The following CNTN4 variants were observed in gnomAD, a reference collection of about 807,000 sequenced individuals.
The protein encoded by CNTN4 is contactin-4.
In CNTN4, 77 loss-of-function variants were observed where a neutral mutation model predicts 122.5. That is an observed-to-expected ratio of 0.63 (90% CI 0.52 to 0.76). CNTN4 has a LOEUF of 0.76. Among genes scored for constraint, CNTN4 ranks in the 30% least tolerant of loss-of-function variants. The pLI, the probability that CNTN4 is intolerant of heterozygous loss-of-function variation, is 0.00. For synonymous variants in CNTN4, 512 were observed against 447.0 expected, an observed-to-expected ratio of 1.15 and a Z score of -1.83; for missense variants, 1,256 against 1,259.1, an observed-to-expected ratio of 1.00 and a Z score of 0.04.
At chr3:2,172,131 ATTTAT>A (rs2036544643) in intron 2 of CNTN4, among the ~76,000 whole-genome samples, 2 of 152,232 alleles carry the variant, frequency 1.3e-5, no homozygotes, top group African/African-American at 4.8e-5. Context: ...GTATATCAGA[ATTTAT>A]TAAGAATGAT....
intron 16 of CNTN4, among the ~76,000 whole-genome samples, chr3:3,033,773 G>A (rs1033899607): frequency 2.0e-5 from 3 of 152,122 alleles, no homozygotes; most frequent in Non-Finnish European, 4.4e-5. Context: ...TGGCTCTGTT[G>A]ATATTTTGTC....
chr3:2,426,463 C>T (rs545995843), intron 3 of CNTN4, among the ~76,000 whole-genome samples: 5 of 152,252 alleles, frequency 3.3e-5, no homozygotes, highest in South Asian at 2.1e-4. Context: ...CTGCTGGATT[C>T]GGTTTGCCAG....
intron 3 of CNTN4, among the ~76,000 whole-genome samples, chr3:2,408,184 T>G (rs1041692358): frequency 1.3e-5 from 2 of 152,164 alleles, no homozygotes; most frequent in East Asian, 3.9e-4. Flanking sequence ...ACTAGGCCAT[T>G]TCTGTATTGA....
At chr3:2,900,865 G>A (rs763995958) in intron 11 of CNTN4, 44 bp downstream of exon 11, 26 of 1,608,888 alleles carry the variant, frequency 1.6e-5, no homozygotes, top group Admixed American at 3.3e-5. Context: ...TGACTATAAC[G>A]TTTAATATAG....
At chr3:2,776,969 T>G (rs1261157964) in intron 6 of CNTN4, among the ~76,000 whole-genome samples, 1 of 132,580 alleles carries the variant, frequency 7.5e-6, no homozygotes, top group Non-Finnish European at 1.8e-5. Context: ...CCATGCATCT[T>G]TTTGTTTTGT....
chr3:2,293,936 G>T (rs767753664), intron 2 of CNTN4, among the ~76,000 whole-genome samples: 12 of 152,172 alleles, frequency 7.9e-5, no homozygotes, highest in South Asian at 4.1e-4. Context: ...GAGGTCAGCA[G>T]TTTTGACTGG....
chr3:2,421,161 G>C (rs545610908), intron 3 of CNTN4, among the ~76,000 whole-genome samples: 2 of 151,994 alleles, frequency 1.3e-5, no homozygotes, highest in East Asian at 3.9e-4. Flanking sequence ...TCACCTTAAT[G>C]ACCACCATTG....
chr3:2,493,288 C>T (rs1040766868), intron 3 of CNTN4, among the ~76,000 whole-genome samples: 3 of 151,958 alleles, frequency 2.0e-5, no homozygotes, highest in African/African-American at 7.3e-5. Context: ...AATACTCTTG[C>T]AGAATCTAAA....
intron 2 of CNTN4, among the ~76,000 whole-genome samples, chr3:2,321,925 A>G (rs1359558673): frequency 2.0e-5 from 3 of 152,178 alleles, no homozygotes; most frequent in Admixed American, 2.0e-4. Context: ...TTAAAAACCC[A>G]CATTCATGAT....
At chr3:2,414,569 T>A (rs1012368203) in intron 3 of CNTN4, among the ~76,000 whole-genome samples, 4 of 152,156 alleles carry the variant, frequency 2.6e-5, no homozygotes, top group African/African-American at 9.7e-5. Flanking sequence ...TAATAGTAAT[T>A]GATATTATTT....
chr3:2,572,141 A>G (rs768036319), intron 4 of CNTN4, among the ~76,000 whole-genome samples: 2 of 152,222 alleles, frequency 1.3e-5, no homozygotes, highest in Non-Finnish European at 2.9e-5. Context: ...TAATCCCAGC[A>G]CTTTGGGAGG....
intron 3 of CNTN4, among the ~76,000 whole-genome samples, chr3:2,347,769 G>A (rs990458681): frequency 6.6e-6 from 1 of 151,368 alleles, no homozygotes; most frequent in Non-Finnish European, 1.5e-5. Flanking sequence ...TTTATGAAAA[G>A]CACTGCACGG....
At chr3:2,227,165 C>G (rs539364736) in intron 2 of CNTN4, among the ~76,000 whole-genome samples, 7 of 151,000 alleles carry the variant, frequency 4.6e-5, no homozygotes, top group Non-Finnish European at 1.0e-4. Flanking sequence ...CATGTCATAT[C>G]AAAAAAAAGG....
chr3:2,439,056 G>A (rs999852759), intron 3 of CNTN4, among the ~76,000 whole-genome samples: 2 of 152,178 alleles, frequency 1.3e-5, no homozygotes, highest in African/African-American at 4.8e-5. Flanking sequence ...CATGGGAAAT[G>A]TTTGTTAAAA....
At chr3:2,483,284 T>A (rs2076058245) in intron 3 of CNTN4, among the ~76,000 whole-genome samples, 1 of 152,208 alleles carries the variant, frequency 6.6e-6, no homozygotes, top group African/African-American at 2.4e-5. Flanking sequence ...TTGGCCAATG[T>A]CTTCCATTTG....
chr3:2,745,542 A>G lies in CNTN4; in HGVS notation c.203A>G (p.Asp68Gly). The change falls in exon 6 of 25, where the codon GAT (aspartate) becomes GGT (glycine). Residue 68 changes from aspartate to glycine, a missense_variant. Transcript: ENST00000418658. ...PHIRWKLNGT[D>G]VDTGMDFRYS... ...TATAGGTGGAAGTTAAATGGAACAG[A>G]TGTTGACACTGGTATGGATTTCCGC... is the stretch of plus-strand genomic sequence containing the variant. The G allele has an allele frequency of 6.2e-7, 1 of 1,614,086 alleles. No individual in the cohort carries two copies. The highest frequency in any genetic ancestry group is 8.5e-7 in the Non-Finnish European group (1 of 1,179,922).
intron 10 of CNTN4, among the ~76,000 whole-genome samples, chr3:2,887,631 T>C (rs1045465968): frequency 6.6e-6 from 1 of 152,168 alleles, no homozygotes; most frequent in East Asian, 1.9e-4. Context: ...GCTAATCTTT[T>C]GTAATTGCTC....
At chr3:2,150,313 A>G (rs1004798189) in intron 2 of CNTN4, among the ~76,000 whole-genome samples, 1 of 152,246 alleles carries the variant, frequency 6.6e-6, no homozygotes, top group Non-Finnish European at 1.5e-5. Flanking sequence ...AAAGTCAGCT[A>G]AATATTAGTT....
At chr3:2,797,010 G>T (rs1421503285) in intron 6 of CNTN4, among the ~76,000 whole-genome samples, 2 of 151,998 alleles carry the variant, frequency 1.3e-5, no homozygotes, top group African/African-American at 4.8e-5. Context: ...TATTGTTGTT[G>T]TTTTCATAGA....
Sources: gnomAD v4.1 joint callset for allele counts (sites outside exome capture counted in the v4.1 genomes callset) on GRCh38, gnomAD v4.1.1 for gene constraint, MANE v1.5 for transcripts, NCBI Gene and HGNC (gene_info 2026-07-23, HGNC 2026-07-21) for gene names.